The following DIAPH2 variants were observed in gnomAD, a reference collection of about 807,000 sequenced individuals.
DIAPH2 encodes protein diaphanous homolog 2.
In DIAPH2, 35 loss-of-function variants were observed where a neutral mutation model predicts 92.7. The ratio of observed to expected loss-of-function variants is 0.38; its 90% CI spans 0.29 to 0.50. The LOEUF is 0.50. Among genes scored for constraint, DIAPH2 ranks in the 20% least tolerant of loss-of-function variants. The pLI is 0.94. For synonymous variants in DIAPH2, 301 were observed against 280.4 expected (o/e 1.07, Z -0.73); for missense variants, 701 against 819.5 (o/e 0.86, Z 1.77).
rs780704834 is a variant in DIAPH2, at chrX:97,377,502, C to T, written c.3010-6407C>T. On this transcript the variant is annotated intron_variant, in intron 24 of 26. Transcript: ENST00000324765. ...TTCTGTTATAATCTTATGGGACTGC[C>T]TTCATATATGTGGTCCCATCTGTTG... is the stretch of plus-strand genomic sequence containing the variant. Among the ~76,000 whole-genome samples, 3 of 111,764 alleles carry T rather than the reference C, an allele frequency of 2.7e-5. No individual in the cohort carries two copies. The South Asian group carries it at 1.1e-3, about 42-fold the overall frequency.
chrX:97,406,256 T>C (rs1420670937), intron 25 of DIAPH2, among the ~76,000 whole-genome samples: 2 of 112,004 alleles, frequency 1.8e-5, no homozygotes, highest in East Asian at 5.6e-4. Flanking sequence ...TAAAAATGGA[T>C]GATTAATCCA....
intron 4 of DIAPH2, among the ~76,000 whole-genome samples, chrX:96,784,032 C>G (rs1415353800): frequency 8.9e-6 from 1 of 111,931 alleles, no homozygotes; most frequent in Non-Finnish European, 1.9e-5. Flanking sequence ...AATGGATACT[C>G]TGATCTCCCC....
intron 14 of DIAPH2, 143 bp from the exon 15 acceptor site, chrX:96,948,792 T>C (rs1308125219): frequency 1.2e-5 from 4 of 323,091 alleles, no homozygotes; most frequent in Non-Finnish European, 2.2e-5. Context: ...TTAATTGTTA[T>C]GAAAATAATT....
At chrX:97,373,036 A>G (rs1161573268) in intron 24 of DIAPH2, among the ~76,000 whole-genome samples, 1 of 111,708 alleles carries the variant, frequency 9.0e-6, no homozygotes, top group Non-Finnish European at 1.9e-5. Context: ...CAAGTATCTC[A>G]TTCAAAACAA....
intron 15 of DIAPH2, among the ~76,000 whole-genome samples, chrX:96,955,156 A>G (rs1315977325): frequency 3.6e-5 from 4 of 111,716 alleles, no homozygotes; most frequent in Non-Finnish European, 7.5e-5. Context: ...AGTTTTGCAG[A>G]GCTGGCGAGG....
At chrX:97,073,182 G>C in intron 18 of DIAPH2, 140 bp downstream of exon 18, 1 of 444,194 alleles carries the variant, frequency 2.3e-6, no homozygotes, top group Non-Finnish European at 3.8e-6. Context: ...GTGTAAACAT[G>C]ATTTGGTTGC....
At chrX:96,933,786 T>C (rs2147796301) in intron 10 of DIAPH2, among the ~76,000 whole-genome samples, 1 of 101,859 alleles carries the variant, frequency 9.8e-6, no homozygotes, top group East Asian at 3.0e-4. Context: ...TTTTTTTTTT[T>C]TTTGCATTTT....
In DIAPH2 at chrX:97,152,469, A is replaced by G. The variant is rs1323929195; in HGVS notation, c.2719+10675A>G. ...CAGTTTTGCATTGCCATAATAAAAT[A>G]CCACAGATTAGGTAATTTCTAAAGA... On this transcript the variant is annotated intron_variant, in intron 22 of 26. Transcript: ENST00000324765. 2.8e-5 allele frequency among the ~76,000 whole-genome samples: 3 copies of G among 106,139 alleles called. No homozygotes were observed. In the East Asian group the frequency reaches 9.1e-4, roughly 32 times the overall value. 92.2% of individuals were successfully genotyped at this position (106,139 alleles called of 115,157 possible). A position where few individuals can be genotyped will look rare whatever the true frequency, so the allele number is the denominator to read the frequency against.
chrX:97,580,102 T>C (rs1364092730), intron 26 of DIAPH2, among the ~76,000 whole-genome samples: 2 of 111,282 alleles, frequency 1.8e-5, no homozygotes, highest in Admixed American at 1.9e-4. Context: ...TATACAATCA[T>C]GTCATCTGCA....
chrX:96,865,981 A>G (rs1478576773), intron 4 of DIAPH2, among the ~76,000 whole-genome samples: 1 of 112,294 alleles, frequency 8.9e-6, no homozygotes, highest in Non-Finnish European at 1.9e-5. Flanking sequence ...TGTTACTTGT[A>G]CAGTTAAACA....
chrX:97,520,853 A>G (rs1452917474), intron 26 of DIAPH2, among the ~76,000 whole-genome samples: 1 of 112,297 alleles, frequency 8.9e-6, no homozygotes, highest in Admixed American at 9.4e-5. Flanking sequence ...GTCTTTGGTA[A>G]TAGTTTTAGA....
intron 4 of DIAPH2, among the ~76,000 whole-genome samples, chrX:96,840,049 T>G (rs1450035524): frequency 1.8e-5 from 2 of 112,502 alleles, no homozygotes; most frequent in African/African-American, 6.4e-5. Flanking sequence ...TGTAATCCAA[T>G]ATATTTAGTA....
intron 17 of DIAPH2, among the ~76,000 whole-genome samples, chrX:97,032,765 G>C (rs776415631): frequency 9.0e-6 from 1 of 111,635 alleles, no homozygotes; most frequent in East Asian, 2.8e-4. Context: ...TTTTAAGAGA[G>C]TATATTATGA....
chrX:97,599,097 T>C (rs2071574629), intron 26 of DIAPH2, among the ~76,000 whole-genome samples, 156 bp from the exon 27 acceptor site: 1 of 112,546 alleles, frequency 8.9e-6, no homozygotes, highest in South Asian at 3.7e-4. Context: ...AGCTGCCGCA[T>C]GAACTCCTCA....
At chrX:97,575,922 C>T (rs1820980363) in intron 26 of DIAPH2, among the ~76,000 whole-genome samples, 1 of 112,025 alleles carries the variant, frequency 8.9e-6, no homozygotes, top group Admixed American at 9.5e-5. Context: ...TCTGTCTGCA[C>T]ACAAGCAATG....
chrX:97,225,601 C>T (rs1384903259), intron 22 of DIAPH2, among the ~76,000 whole-genome samples: 1 of 111,638 alleles, frequency 9.0e-6, no homozygotes, highest in Non-Finnish European at 1.9e-5. Flanking sequence ...GCTGCTCACT[C>T]ATATCCACTA....
Position 97,583,782 on chromosome X carries a change from G to A in DIAPH2, c.3242-15471G>A, listed in dbSNP as rs375521127. Among the ~76,000 whole-genome samples, 37 of 111,204 alleles carry A rather than the reference G, an allele frequency of 3.3e-4. No homozygotes were observed. The East Asian group carries it at 6.6e-3, about 20-fold the overall frequency. ...GCGCCCCTCCCCCAGCCTCGCTGCC[G>A]CCTTGCAGTTTGATCTCAGACTGCT... On this transcript the variant is annotated intron_variant, in intron 26 of 26. Coordinates refer to ENST00000324765, the MANE Select transcript of DIAPH2 (RefSeq NM_006729.5).
intron 26 of DIAPH2, among the ~76,000 whole-genome samples, chrX:97,474,721 G>A (rs963143327): frequency 2.8e-5 from 3 of 108,488 alleles, no homozygotes; most frequent in Non-Finnish European, 3.8e-5. Context: ...AGCAGAGATC[G>A]TGCCACTGCA....
At chrX:97,217,428 C>T (rs980534782) in intron 22 of DIAPH2, among the ~76,000 whole-genome samples, 1 of 111,376 alleles carries the variant, frequency 9.0e-6, no homozygotes, top group Non-Finnish European at 1.9e-5. Context: ...GATACTTAAC[C>T]TGCCACCCTC....
Sources: gnomAD v4.1 joint callset for allele counts (sites outside exome capture counted in the v4.1 genomes callset) on GRCh38, gnomAD v4.1.1 for gene constraint, MANE v1.5 for transcripts, NCBI Gene and HGNC (gene_info 2026-07-23, HGNC 2026-07-21) for gene names.